COL2A1: variants seen among roughly 807,000 people sequenced by gnomAD.
COL2A1 encodes collagen alpha-1(II) chain.
A neutral mutation model predicts 204.5 loss-of-function variants in COL2A1; 28 were observed. The ratio of observed to expected loss-of-function variants is 0.14; its 90% CI spans 0.10 to 0.19. The LOEUF (loss-of-function observed/expected upper bound fraction) is 0.19, where lower values mean the gene tolerates loss of function less well. Among genes scored for constraint, COL2A1 ranks in the 10% least tolerant of loss-of-function variants. COL2A1 has a pLI of 1.00. For synonymous variants in COL2A1, 708 were observed against 718.7 expected, an observed-to-expected ratio of 0.99 and a Z score of 0.24; for missense variants, 1,388 against 2,027.5, an observed-to-expected ratio of 0.68 and a Z score of 6.06.
chr12:47,974,038 C>T, intron 53 of COL2A1, 51 bp downstream of exon 53: 1 of 1,613,894 alleles, frequency 6.2e-7, no homozygotes, highest in South Asian at 1.1e-5. Flanking sequence ...CTCAGCCCTG[C>T]TCCAGGCGGT....
Position 47,975,475 on chromosome 12 carries a change from T to C in COL2A1, c.3728A>G (p.Gln1243Arg). Reference sequence around the variant, plus strand: ...ATGCTGTCTCAGGCCACCGGCTGCCTGGTCGGCCCGCATGTACTGCAGGGG... The same window carrying C: ...ATGCTGTCTCAGGCCACCGGCTGCCCGGTCGGCCCGCATGTACTGCAGGGG... Reference protein sequence around the residue: ...PDPLQYMRADQAAGGLRQHDA... With the variant: ...PDPLQYMRADRAAGGLRQHDA... Residue 1243 changes from glutamine to arginine, a missense_variant, in exon 51 of 54, where the codon CAG becomes CGG. Physicochemically the swap from Gln to Arg is conservative, Grantham distance 43 (BLOSUM62 1). Coordinates refer to ENST00000380518, the MANE Select transcript of COL2A1 (RefSeq NM_001844.5). 1 of 1,613,872 alleles carries C rather than the reference T, an allele frequency of 6.2e-7. No homozygotes were observed. Among genetic ancestry groups the C allele is most frequent in the Non-Finnish European group, 8.5e-7 (1 of 1,180,016 alleles).
intron 2 of COL2A1, among the ~76,000 whole-genome samples, chr12:47,999,017 GC>G (rs1940101340): frequency 6.6e-6 from 1 of 152,156 alleles, no homozygotes; most frequent in South Asian, 2.1e-4. Context: ...ACTCACACGG[GC>G]CCCTCAGAAA....
chr12:48,000,113 C>G lies in COL2A1; in HGVS notation c.98G>C (p.Ser33Thr). The G allele has an allele frequency of 1.9e-6, 3 of 1,612,896 alleles. No homozygotes were observed. Among genetic ancestry groups the G allele is most frequent in the Non-Finnish European group, 2.5e-6 (3 of 1,179,746 alleles). Reference sequence around the variant, plus strand: ...ATACCTCTGCCCATCCTGCACACAGCTGCCAGCCTCCTCTGCACCAAGGGT... The same window carrying G: ...ATACCTCTGCCCATCCTGCACACAGGTGCCAGCCTCCTCTGCACCAAGGGT... The part of the protein sequence containing the change: ...CQGQDVQEAG[S>T]CVQDGQRYND... Residue 33 changes from serine to threonine, a missense_variant, in exon 2 of 54, where the codon AGC (serine) becomes ACC (threonine). Around this residue, in one of 3 missense-constraint regions of COL2A1, gnomAD observed 201 missense variants for 242.4 expected, o/e 0.83. Transcript: ENST00000380518.
In COL2A1 at chr12:47,978,216, G is replaced by C; in HGVS notation, c.3003+75C>G. ...GAGAGGGCAGACAAGGGACAGTCCTGAGGGTGCTGAGGGAGGTAGAAGCCT... is the reference window on the plus strand; with the variant it reads ...GAGAGGGCAGACAAGGGACAGTCCTCAGGGTGCTGAGGGAGGTAGAAGCCT... On this transcript the variant is annotated intron_variant, in intron 43 of 53. Transcript: ENST00000380518. The surrounding 1 kb of genome is among the most constrained non-coding windows in gnomAD (Gnocchi z 5.5). 6.3e-7 allele frequency: 1 copy of C among 1,586,774 alleles called. No individual in the cohort carries two copies. Among genetic ancestry groups the C allele is most frequent in the South Asian group, 1.1e-5 (1 of 89,206 alleles).
Position 47,976,603 on chromosome 12 carries a change from C to G in COL2A1, c.3436-36G>C, listed in dbSNP as rs1380106523. 3.1e-6 allele frequency: 5 copies of G among 1,605,574 alleles called. No homozygotes were observed. The highest frequency in any genetic ancestry group is 4.3e-6 in the Non-Finnish European group (5 of 1,172,270). ...GGAAGAGGCAAAAGGCCACGGTCAG[C>G]ACAGACATATCTATCTATATTCTGG... is the stretch of plus-strand genomic sequence containing the variant. On this transcript the variant is annotated intron_variant, in intron 48 of 53. Coordinates refer to ENST00000380518, the MANE Select transcript of COL2A1 (RefSeq NM_001844.5). The surrounding 1 kb of genome is among the most constrained non-coding windows in gnomAD (Gnocchi z 4.3).
chr12:47,982,206 C>T (rs373863375), intron 34 of COL2A1, 46 bp from the exon 35 acceptor site: 8 of 1,565,304 alleles, frequency 5.1e-6, no homozygotes, highest in Admixed American at 1.7e-5. Context: ...ACCCCAGGAC[C>T]CCCATGGTTT....
Position 47,973,287 on chromosome 12 carries a change from G to C in COL2A1, c.*120C>G, listed in dbSNP as rs886049443. 2 of 1,299,994 alleles carry C rather than the reference G, an allele frequency of 1.5e-6. No individual in the cohort carries two copies. The highest frequency in any genetic ancestry group is 3.7e-4 in the Middle Eastern group (2 of 5,420). The allele number at this position is 1,299,994 out of a possible 1,614,324, so 80.5% of individuals were successfully genotyped here. A position where few individuals can be genotyped will look rare whatever the true frequency, so the allele number is the denominator to read the frequency against. On this transcript the variant is annotated 3_prime_UTR_variant, in exon 54 of 54. Transcript: ENST00000380518. ...GAAAAGTCCGAACTGTGAGAGGGTG[G>C]GATGAATGGACATCAGGTCAGGTCA...
chr12:47,973,010 T>TA lies in COL2A1; in HGVS notation c.*396dup. On this transcript the variant is annotated 3_prime_UTR_variant, in exon 54 of 54. Transcript: ENST00000380518. ...TCATTTTTAATATCAATTGATGTTT[T>TA]AAAAAATACAGAGGTGTTTGACACA... 2 of 501,610 alleles carry TA rather than the reference T, an allele frequency of 4.0e-6. No individual in the cohort carries two copies. The highest frequency in any genetic ancestry group is 7.0e-5 in the Admixed American group (2 of 28,464). 31.1% of individuals were successfully genotyped at this position (501,610 alleles called of 1,614,324 possible).
chr12:48,003,919 G>T (rs1193241828), intron 1 of COL2A1, among the ~76,000 whole-genome samples: 1 of 152,200 alleles, frequency 6.6e-6, no homozygotes, highest in Non-Finnish European at 1.5e-5. Flanking sequence ...TATCAAAGCT[G>T]GTGGAAAAGA....
At position 47,980,797 on chromosome 12, in the gene COL2A1, G is replaced by A. The variant is rs538817947; in HGVS notation, c.2517+118C>T. 113 of 1,405,862 alleles carry A rather than the reference G, an allele frequency of 8.0e-5. No homozygotes were observed. In the East Asian group the frequency reaches 1.2e-3, roughly 15 times the overall value. The allele number at this position is 1,405,862 out of a possible 1,614,324, so 87.1% of individuals were successfully genotyped here. A position where few individuals can be genotyped will look rare whatever the true frequency, so the allele number is the denominator to read the frequency against. ...ATGATGGTTCTATTAGTATGGAGGC[G>A]GGAAAGGAGAGGAGAGGAGCATCCA... On this transcript the variant is annotated intron_variant, in intron 38 of 53. Transcript: ENST00000380518. The surrounding 1 kb of genome is among the most constrained non-coding windows in gnomAD (Gnocchi z 4.5).
In COL2A1 at chr12:47,980,192, G is replaced by T; in HGVS notation, c.2626-130C>A. The T allele has an allele frequency of 2.4e-6, 2 of 826,844 alleles. No homozygotes were observed. Among genetic ancestry groups the T allele is most frequent in the Middle Eastern group, 2.2e-4 (1 of 4,530 alleles). 51.2% of individuals were successfully genotyped at this position (826,844 alleles called of 1,614,324 possible). A position where few individuals can be genotyped will look rare whatever the true frequency, so the allele number is the denominator to read the frequency against. ...TTTCTTGGCACTAAAAACCCAGCCT[G>T]AAGAGGCTGCCACAGGCAGCTCTGT... On this transcript the variant is annotated intron_variant, in intron 39 of 53. Coordinates refer to ENST00000380518, the MANE Select transcript of COL2A1 (RefSeq NM_001844.5). This position sits in a 1 kb window ranked among gnomAD's most constrained non-coding sequence, Gnocchi z 4.5.
chr12:47,999,676 T>TTG, intron 2 of COL2A1: 1 of 336,548 alleles, frequency 3.0e-6, no homozygotes, highest in Non-Finnish European at 5.4e-6. Context: ...CTGTCCTTCA[T>TTG]GTGTCTTGGA....
In COL2A1 at chr12:47,985,931, T is replaced by C; in HGVS notation, c.1562A>G (p.Asp521Gly). The change falls in exon 24 of 54, where the codon GAT (aspartate) becomes GGT (glycine). Residue 521 changes from aspartate to glycine, a missense_variant. By Grantham distance (94) the Asp-to-Gly change is moderately conservative. Around this residue, in one of 3 missense-constraint regions of COL2A1, gnomAD observed 884 missense variants for 1,415.8 expected, o/e 0.62. Transcript: ENST00000380518. ...ACTCACCTTGGGACCTGCCAGACCA[T>C]CTTGACCTGGGAAACCGCGGTTGCC... ...APGNRGFPGQ[D>G]GLAGPKGAPG... is the part of the protein sequence containing the mutation. 6.4e-7 allele frequency: 1 copy of C among 1,552,060 alleles called. No homozygotes were observed. Among genetic ancestry groups the C allele is most frequent in the Non-Finnish European group, 8.7e-7 (1 of 1,147,206 alleles).
In COL2A1 at chr12:47,976,573, T is replaced by C; in HGVS notation, c.3436-6A>G. On this transcript the variant is annotated splice_polypyrimidine_tract_variant and splice_region_variant and intron_variant, in intron 48 of 53. Transcript: ENST00000380518. The surrounding 1 kb of genome is among the most constrained non-coding windows in gnomAD (Gnocchi z 4.3). ...CCTTGGTCTCCAGAAGGACCCTGTG[T>C]AGAAGGAAGAGGCAAAAGGCCACGG... 6.2e-7 allele frequency: 1 copy of C among 1,614,212 alleles called. No individual in the cohort carries two copies. Among genetic ancestry groups the C allele is most frequent in the Non-Finnish European group, 8.5e-7 (1 of 1,180,018 alleles).
chr12:47,988,551 T>C (rs1255739072), intron 18 of COL2A1: 1 of 157,610 alleles, frequency 6.3e-6, no homozygotes, highest in Non-Finnish European at 1.4e-5. Context: ...TGGGTCTCCT[T>C]CACCCGGCTC....
intron 23 of COL2A1, 26 bp downstream of exon 23, chr12:47,986,310 G>A (rs1255978807): frequency 7.1e-7 from 1 of 1,416,110 alleles, no homozygotes; most frequent in Admixed American, 2.0e-5. Flanking sequence ...AGGCCCCATG[G>A]GATGGAGCCT....
intron 10 of COL2A1, 111 bp from the exon 11 acceptor site, chr12:47,995,419 A>G: frequency 1.0e-6 from 1 of 989,618 alleles, no homozygotes. Context: ...ATGAAGAAGA[A>G]AGATGGGAAG....
At position 47,975,364 on chromosome 12, in the gene COL2A1, G is replaced by A; in HGVS notation, c.3839C>T (p.Ala1280Val). The change falls in exon 51 of 54, where the codon GCT (alanine) becomes GTT (valine). Residue 1280 changes from alanine (A) to valine (V), a missense_variant. This residue lies in a region of COL2A1 where 303 missense variants were observed against 369.2 expected (regional missense o/e 0.82). Coordinates refer to ENST00000380518, the MANE Select transcript of COL2A1 (RefSeq NM_001844.5). ...GAGTTTCAGGTCTCTGCAGGTGCGA[G>A]CAGGGTTCTTGCGGGAGCCCTCGGG... ...RSPEGSRKNPARTCRDLKLCH... is the reference protein window; with the variant it reads ...RSPEGSRKNPVRTCRDLKLCH... The A allele has an allele frequency of 6.2e-7, 1 of 1,614,204 alleles. No homozygotes were observed.
chr12:47,995,810 A>T (rs1438902864), intron 9 of COL2A1, 47 bp from the exon 10 acceptor site: 21 of 1,611,216 alleles, frequency 1.3e-5, no homozygotes, highest in Non-Finnish European at 1.8e-5. Flanking sequence ...TAAACTGCTA[A>T]AACATCATAG....
Sources: gnomAD v4.1 joint callset for allele counts (sites outside exome capture counted in the v4.1 genomes callset) on GRCh38, gnomAD v4.1.1 for gene constraint, gnomAD v4.1.1 regional missense constraint, Gnocchi (gnomAD v3.1) non-coding constraint, MANE v1.5 for transcripts, NCBI Gene and HGNC (gene_info 2026-07-23, HGNC 2026-07-21) for gene names.